Variants in MAML2 observed in about 807,000 individuals in gnomAD.
MAML2 encodes mastermind like transcriptional coactivator 2.
MAML2 carries 22 observed loss-of-function variants against 96.1 expected under a neutral mutation model. The ratio of observed to expected loss-of-function variants is 0.23; its 90% CI spans 0.16 to 0.33. The LOEUF (loss-of-function observed/expected upper bound fraction) is 0.33, where lower values mean the gene tolerates loss of function less well. Among genes scored for constraint, MAML2 ranks in the 10% least tolerant of loss-of-function variants. MAML2 has a pLI of 1.00. For synonymous variants in MAML2, 561 were observed against 521.3 expected (o/e 1.08, Z -1.04); for missense variants, 1,367 against 1,392.4 (o/e 0.98, Z 0.29).
intron 1 of MAML2, among the ~76,000 whole-genome samples, chr11:96,239,503 G>A (rs1362489897): frequency 6.6e-6 from 1 of 152,200 alleles, no homozygotes; most frequent in Non-Finnish European, 1.5e-5. Flanking sequence ...TAAAAACTGA[G>A]GCTGGAATGT....
chr11:96,045,037 T>C (rs934280542), intron 2 of MAML2, among the ~76,000 whole-genome samples: 1 of 151,810 alleles, frequency 6.6e-6, no homozygotes, highest in Non-Finnish European at 1.5e-5. Context: ...AAGTTAAGAC[T>C]GAAATATATC....
At chr11:96,205,448 A>C (rs1324880524) in intron 1 of MAML2, among the ~76,000 whole-genome samples, 1 of 152,236 alleles carries the variant, frequency 6.6e-6, no homozygotes, top group African/African-American at 2.4e-5. Flanking sequence ...TGGGGTACAA[A>C]TATAAATATG....
chr11:96,018,628 G>A (rs574562981), intron 2 of MAML2, among the ~76,000 whole-genome samples: 1 of 152,324 alleles, frequency 6.6e-6, no homozygotes, highest in South Asian at 2.1e-4. Context: ...GATAAGTCAA[G>A]CTCCGTCGCC....
intron 2 of MAML2, among the ~76,000 whole-genome samples, chr11:96,016,308 C>CA (rs1203305236): frequency 6.6e-6 from 1 of 151,374 alleles, no homozygotes; most frequent in African/African-American, 2.4e-5. Flanking sequence ...GAGCAGAGAG[C>CA]AAAAAAGTGA....
At chr11:96,101,206 C>T (rs1439458188) in intron 1 of MAML2, among the ~76,000 whole-genome samples, 1 of 152,154 alleles carries the variant, frequency 6.6e-6, no homozygotes, top group Non-Finnish European at 1.5e-5. Context: ...GATGCCTTCC[C>T]CACCTCCCCT....
chr11:96,192,349 T>A (rs554293165), intron 1 of MAML2, among the ~76,000 whole-genome samples: 1 of 152,338 alleles, frequency 6.6e-6, no homozygotes, highest in Non-Finnish European at 1.5e-5. Context: ...TGATCCTTCA[T>A]AACAAGGAAC....
intron 1 of MAML2, among the ~76,000 whole-genome samples, chr11:96,108,367 C>G (rs1369374184): frequency 6.6e-6 from 1 of 152,122 alleles, no homozygotes; most frequent in Non-Finnish European, 1.5e-5. Flanking sequence ...TTCGGGGTCT[C>G]CCATAGAACA....
intron 1 of MAML2, among the ~76,000 whole-genome samples, chr11:96,153,316 T>C (rs1013439045): frequency 1.3e-5 from 2 of 152,164 alleles, no homozygotes; most frequent in African/African-American, 4.8e-5. Context: ...GACCACACGA[T>C]GGCAGTTAAG....
intron 1 of MAML2, among the ~76,000 whole-genome samples, chr11:96,271,568 G>C (rs975990091): frequency 6.6e-6 from 1 of 152,188 alleles, no homozygotes; most frequent in African/African-American, 2.4e-5. Context: ...AAGTTCTCAT[G>C]AGATCTGGTG....
At chr11:96,328,403 C>T (rs559274531) in intron 1 of MAML2, among the ~76,000 whole-genome samples, 2 of 151,990 alleles carry the variant, frequency 1.3e-5, no homozygotes, top group African/African-American at 4.8e-5. Flanking sequence ...AGTGTGTCTA[C>T]TCTCAGCTTG....
chr11:96,323,506 A>G (rs1246633380), intron 1 of MAML2, among the ~76,000 whole-genome samples: 1 of 150,498 alleles, frequency 6.6e-6, no homozygotes, highest in Non-Finnish European at 1.5e-5. Context: ...ACCCATCTGC[A>G]TGCTCAGAGA....
At chr11:96,226,672 TA>T (rs1287026386) in intron 1 of MAML2, among the ~76,000 whole-genome samples, 1 of 152,208 alleles carries the variant, frequency 6.6e-6, no homozygotes, top group Non-Finnish European at 1.5e-5. Context: ...TATATAAAGA[TA>T]AGATTTTTAC....
At chr11:96,246,548 A>G (rs1862514919) in intron 1 of MAML2, among the ~76,000 whole-genome samples, 1 of 152,086 alleles carries the variant, frequency 6.6e-6, no homozygotes, top group African/African-American at 2.4e-5. Flanking sequence ...TTGTAAACTG[A>G]TAATTCTGAA....
intron 1 of MAML2, among the ~76,000 whole-genome samples, chr11:96,100,562 G>A (rs1486721253): frequency 7.3e-5 from 11 of 151,676 alleles, no homozygotes; most frequent in African/African-American, 1.7e-4. Flanking sequence ...TGCCTGCATC[G>A]GCCTCCCAAA....
intron 1 of MAML2, among the ~76,000 whole-genome samples, chr11:96,280,957 A>G (rs929795994): frequency 2.0e-5 from 3 of 152,230 alleles, no homozygotes; most frequent in African/African-American, 4.8e-5. Flanking sequence ...AGAACAATGT[A>G]TATGTATATC....
At chr11:96,148,707 C>T (rs931073002) in intron 1 of MAML2, among the ~76,000 whole-genome samples, 2 of 138,810 alleles carry the variant, frequency 1.4e-5, no homozygotes, top group South Asian at 2.4e-4. Flanking sequence ...CACACACACA[C>T]ATAAGCACGC....
chr11:96,320,683 G>A (rs1863687979), intron 1 of MAML2, among the ~76,000 whole-genome samples: 1 of 152,190 alleles, frequency 6.6e-6, no homozygotes, highest in African/African-American at 2.4e-5. Context: ...AGGAGTTTGT[G>A]AGGTAGAGAT....
At chr11:96,260,425 A>AT (rs957443155) in intron 1 of MAML2, among the ~76,000 whole-genome samples, 5 of 151,894 alleles carry the variant, frequency 3.3e-5, no homozygotes, top group Non-Finnish European at 7.4e-5. Flanking sequence ...AAAGCAATAC[A>AT]TTTTTTTCTT....
At chr11:96,196,986 G>A (rs77946210) in intron 1 of MAML2, among the ~76,000 whole-genome samples, 1,793 of 150,354 alleles carry the variant, frequency 0.012, 13 homozygotes, top group Middle Eastern at 0.027. Context: ...AATGTGGAAT[G>A]TTAAGCATCA....
Sources: gnomAD v4.1 joint callset for allele counts (sites outside exome capture counted in the v4.1 genomes callset) on GRCh38, gnomAD v4.1.1 for gene constraint, MANE v1.5 for transcripts, NCBI Gene and HGNC (gene_info 2026-07-23, HGNC 2026-07-21) for gene names.